The following ITPK1 variants were observed in gnomAD, a reference collection of about 807,000 sequenced individuals.
ITPK1 encodes inositol-tetrakisphosphate 1-kinase.
ITPK1 carries 21 observed loss-of-function variants against 45.3 expected under a neutral mutation model. The ratio of observed to expected loss-of-function variants is 0.46; its 90% CI spans 0.33 to 0.67. The LOEUF (loss-of-function observed/expected upper bound fraction) is 0.67. ITPK1 is among the 30% of genes least tolerant of loss of function. The pLI is 0.02. For synonymous variants in ITPK1, 258 were observed against 253.6 expected (o/e 1.02, Z -0.16); for missense variants, 474 against 573.5 (o/e 0.83, Z 1.77).
In ITPK1 at chr14:93,012,224, G is replaced by A. The variant is rs189528228; in HGVS notation, c.246+4452C>T. Among the ~76,000 whole-genome samples, 434 of 152,348 alleles carry A rather than the reference G, an allele frequency of 2.8e-3. 4 individuals carry two copies. Among genetic ancestry groups the A allele is most frequent in the African/African-American group, 9.7e-3 (402 of 41,576 alleles). On this transcript the variant is annotated intron_variant, in intron 4 of 10. Transcript: ENST00000267615. This position sits in a 1 kb window ranked among gnomAD's most constrained non-coding sequence, Gnocchi z 4.9. ...GCTGGGAGCAGACACAATCCCTGCC[G>A]CAGTGAAGGGACAGACAATAGCCAC...
intron 3 of ITPK1, among the ~76,000 whole-genome samples, chr14:93,017,994 A>T (rs2139859453): frequency 6.6e-6 from 1 of 152,146 alleles, no homozygotes; most frequent in South Asian, 2.1e-4. Flanking sequence ...ACAAACTCAG[A>T]TCTAAGGCTG....
In ITPK1 at chr14:93,115,215, A is replaced by C. The variant is rs537244773; in HGVS notation, c.-52T>G. 5.2e-6 allele frequency: 7 copies of C among 1,340,734 alleles called. No individual in the cohort carries two copies. In the East Asian group the frequency reaches 1.8e-4, roughly 34 times the overall value. The allele number at this position is 1,340,734 out of a possible 1,614,324, so 83.1% of individuals were successfully genotyped here. A position where few individuals can be genotyped will look rare whatever the true frequency, so the allele number is the denominator to read the frequency against. ...TCCGGAGGAAATCGCCCACAGGCCG[A>C]GTCTGGCGGCCGGCGCGCGCCGCGA... is the stretch of plus-strand genomic sequence containing the variant. On this transcript the variant is annotated 5_prime_UTR_variant, in exon 2 of 11. Transcript: ENST00000267615.
chr14:92,987,520 G>A (rs1034900764), intron 5 of ITPK1, among the ~76,000 whole-genome samples: 1 of 152,190 alleles, frequency 6.6e-6, no homozygotes, highest in African/African-American at 2.4e-5. Flanking sequence ...GAGGACAGGA[G>A]CAGAACCCAC....
rs529813731 is a variant in ITPK1, at chr14:93,100,659, A to G, written c.95+14410T>C. On this transcript the variant is annotated intron_variant, in intron 2 of 10. Coordinates refer to ENST00000267615, the MANE Select transcript of ITPK1 (RefSeq NM_014216.6). Reference sequence around the variant, plus strand: ...CCAGAATGCCCCAAGGATCTGACTCAGGAACCAATACATCCCCTTTATTAC... The same window carrying G: ...CCAGAATGCCCCAAGGATCTGACTCGGGAACCAATACATCCCCTTTATTAC... Among the ~76,000 whole-genome samples, 16 of 152,242 alleles carry G rather than the reference A, an allele frequency of 1.1e-4. 1 individual carries two copies. The South Asian group carries it at 3.3e-3, about 32-fold the overall frequency.
At position 93,008,066 on chromosome 14, in the gene ITPK1, C is replaced by T. The variant is rs559490614; in HGVS notation, c.246+8610G>A. On this transcript the variant is annotated intron_variant, in intron 4 of 10. Transcript: ENST00000267615. ...GTGCTCCAGCTGCACCCAGCTACTG[C>T]GGGTCCTTATGCCTCCATCCTGTTT... 2.6e-5 allele frequency among the ~76,000 whole-genome samples: 4 copies of T among 152,234 alleles called. No homozygotes were observed. The South Asian group carries it at 6.2e-4, about 24-fold the overall frequency.
At chr14:93,099,718 G>A (rs901696788) in intron 2 of ITPK1, among the ~76,000 whole-genome samples, 1 of 152,108 alleles carries the variant, frequency 6.6e-6, no homozygotes, top group Non-Finnish European at 1.5e-5. Context: ...GGGAGGCCCC[G>A]AGCAGCCTCC....
rs373846871 is a variant in ITPK1, at chr14:93,100,425, G to C, written c.95+14644C>G. Among the ~76,000 whole-genome samples the C allele has an allele frequency of 6.6e-5, 10 of 152,248 alleles. No individual in the cohort carries two copies. The East Asian group carries it at 1.9e-3, about 29-fold the overall frequency. On this transcript the variant is annotated intron_variant, in intron 2 of 10. Coordinates refer to ENST00000267615, the MANE Select transcript of ITPK1 (RefSeq NM_014216.6). ...CACCTAAGGAACGCCACAGTGCCTG[G>C]CTGAGAATAAGGATTGAGGGTGAGG... is the stretch of plus-strand genomic sequence containing the variant.
chr14:93,048,583 A>G (rs897294904), intron 3 of ITPK1, among the ~76,000 whole-genome samples: 1 of 152,002 alleles, frequency 6.6e-6, no homozygotes, highest in African/African-American at 2.4e-5. Context: ...AGCTCCTGAT[A>G]CTCCCACAAA....
rs74993110 is a variant in ITPK1 at position 93,113,073 on chromosome 14, T to C, written c.95+1996A>G. Among the ~76,000 whole-genome samples the C allele has an allele frequency of 2.0e-3, 311 of 152,336 alleles. 3 individuals carry two copies. Among genetic ancestry groups the C allele is most frequent in the African/African-American group, 7.2e-3 (299 of 41,578 alleles). On this transcript the variant is annotated intron_variant, in intron 2 of 10. Coordinates refer to ENST00000267615, the MANE Select transcript of ITPK1 (RefSeq NM_014216.6). ...TCTTTTCCTTCTTAGGCTTAAGTGA[T>C]AAAATATCTAAAGCTTCCCTAGTGA...
At chr14:93,064,901 G>A (rs1429506428) in intron 3 of ITPK1, among the ~76,000 whole-genome samples, 1 of 152,150 alleles carries the variant, frequency 6.6e-6, no homozygotes, top group Non-Finnish European at 1.5e-5. Context: ...TTACAACTCT[G>A]GATTTACACA....
rs534633281 is a variant in ITPK1 at position 92,943,124 on chromosome 14, G to A, written c.902-1220C>T. 9.2e-5 allele frequency among the ~76,000 whole-genome samples: 14 copies of A among 152,366 alleles called. No homozygotes were observed. In the East Asian group the frequency reaches 9.6e-4, roughly 10 times the overall value. On this transcript the variant is annotated intron_variant, in intron 10 of 10. Transcript: ENST00000267615. Reference sequence around the variant, plus strand: ...AAGATGGCTATTCTGGCCGGCAAGCGGCGCCTCCCGAGCTGGCACTGTGCG... The same window carrying A: ...AAGATGGCTATTCTGGCCGGCAAGCAGCGCCTCCCGAGCTGGCACTGTGCG...
At chr14:93,086,712 G>T (rs1045320153) in intron 2 of ITPK1, among the ~76,000 whole-genome samples, 2 of 152,232 alleles carry the variant, frequency 1.3e-5, no homozygotes, top group African/African-American at 4.8e-5. Context: ...AGGCCCTGGA[G>T]GGGAGGGAGA....
chr14:92,999,745 A>T (rs1887244803), intron 4 of ITPK1, among the ~76,000 whole-genome samples: 1 of 152,244 alleles, frequency 6.6e-6, no homozygotes, highest in African/African-American at 2.4e-5. Context: ...CCTACCTCAT[A>T]GGATTTTTAT....
At chr14:92,975,136 A>T (rs1885875577) in intron 5 of ITPK1, among the ~76,000 whole-genome samples, 1 of 152,182 alleles carries the variant, frequency 6.6e-6, no homozygotes, top group Non-Finnish European at 1.5e-5. Flanking sequence ...CATGCTCCCC[A>T]ACGGCTCCCA....
intron 2 of ITPK1, among the ~76,000 whole-genome samples, chr14:93,084,201 C>T (rs929684966): frequency 5.9e-5 from 9 of 152,234 alleles, no homozygotes; most frequent in South Asian, 2.1e-4. Flanking sequence ...GGAAACAACG[C>T]GGGCTGAGTG....
chr14:93,003,779 G>A (rs1489645320), intron 4 of ITPK1, among the ~76,000 whole-genome samples: 4 of 152,170 alleles, frequency 2.6e-5, no homozygotes, highest in African/African-American at 7.2e-5. Context: ...AACTTAACCC[G>A]AGCGCGTGGG....
Position 92,972,733 on chromosome 14 carries a change from G to A in ITPK1, c.365-9884C>T, listed in dbSNP as rs113321394. 2.4e-3 allele frequency among the ~76,000 whole-genome samples: 360 copies of A among 152,276 alleles called. 4 individuals are homozygous for A. Among genetic ancestry groups the A allele is most frequent in the African/African-American group, 8.5e-3 (352 of 41,542 alleles). On this transcript the variant is annotated intron_variant, in intron 5 of 10. Coordinates refer to ENST00000267615, the MANE Select transcript of ITPK1 (RefSeq NM_014216.6). Reference sequence around the variant, plus strand: ...AGCCTCCCAAGTAGCTGGGATTACAGGAACACGCCACCATGCCTGGCTAAT... The same window carrying A: ...AGCCTCCCAAGTAGCTGGGATTACAAGAACACGCCACCATGCCTGGCTAAT...
chr14:92,954,352 T>C (rs1888097765), intron 8 of ITPK1, among the ~76,000 whole-genome samples: 1 of 152,068 alleles, frequency 6.6e-6, no homozygotes, highest in South Asian at 2.1e-4. Context: ...CAAGAGATGA[T>C]GGAAAGCTGA....
intron 4 of ITPK1, among the ~76,000 whole-genome samples, chr14:93,004,209 G>C (rs1356202175): frequency 6.6e-6 from 1 of 152,244 alleles, no homozygotes; most frequent in Non-Finnish European, 1.5e-5. Flanking sequence ...GCACACCCTG[G>C]TGGGCAGTGG....
Sources: gnomAD v4.1 joint callset for allele counts (sites outside exome capture counted in the v4.1 genomes callset) on GRCh38, gnomAD v4.1.1 for gene constraint, Gnocchi (gnomAD v3.1) non-coding constraint, MANE v1.5 for transcripts, NCBI Gene and HGNC (gene_info 2026-07-23, HGNC 2026-07-21) for gene names.